Variants in ADGRV1 observed in about 807,000 individuals in gnomAD.
ADGRV1 encodes adhesion G protein-coupled receptor V1.
Under a neutral mutation model 596.2 loss-of-function variants are expected in ADGRV1, and 359 were observed. The ratio of observed to expected loss-of-function variants is 0.60; its 90% CI spans 0.55 to 0.66. ADGRV1 has a LOEUF of 0.66. Among genes scored for constraint, ADGRV1 ranks in the 30% least tolerant of loss-of-function variants. The pLI is 0.00. For missense variants in ADGRV1, 7,274 were observed against 7,575.6 expected (o/e 0.96, Z 1.48); for synonymous variants, 2,681 against 2,679.2 (o/e 1.00, Z -0.02).
intron 87 of ADGRV1, among the ~76,000 whole-genome samples, chr5:91,104,283 G>A (rs750174881): frequency 5.8e-4 from 88 of 152,300 alleles, no homozygotes; most frequent in South Asian, 5.4e-3. Context: ...AGTTGTTACA[G>A]AGATAAACAC....
At chr5:90,619,673 C>T (rs1046666986) in intron 4 of ADGRV1, among the ~76,000 whole-genome samples, 1 of 151,836 alleles carries the variant, frequency 6.6e-6, no homozygotes, top group Non-Finnish European at 1.5e-5. Flanking sequence ...CATATGTATA[C>T]ATATGCCATG....
intron 70 of ADGRV1, chr5:90,792,232 A>C (rs1167322776): frequency 6.6e-6 from 1 of 152,156 alleles, no homozygotes; most frequent in Non-Finnish European, 1.5e-5. Context: ...CTTTGGGAAC[A>C]CCCAAATCAA....
Position 90,658,014 on chromosome 5 carries a change from T to C in ADGRV1, c.4488T>C (p.Tyr1496=), listed in dbSNP as rs772002335. 1.2e-6 allele frequency: 2 copies of C among 1,613,994 alleles called. No homozygotes were observed. Among genetic ancestry groups the C allele is most frequent in the Non-Finnish European group, 8.5e-7 (1 of 1,179,872 alleles). ...GGAAACTGACGCTTGAAGAAATTTA[T>C]GAACTTCATGCCATGCCCGCAAAAA... ...YERKLTLEEI[Y]ELHAMPAKSD... Residue 1496 remains tyrosine, a synonymous_variant, in exon 21 of 90, where the codon TAT becomes TAC. Transcript: ENST00000405460.
intron 83 of ADGRV1, among the ~76,000 whole-genome samples, chr5:90,866,138 A>T (rs1004735827): frequency 6.6e-6 from 1 of 152,092 alleles, no homozygotes; most frequent in Non-Finnish European, 1.5e-5. Flanking sequence ...ACTAAGTAGA[A>T]CGGCTTTTGT....
intron 78 of ADGRV1, among the ~76,000 whole-genome samples, chr5:90,844,832 G>T (rs1319229352): frequency 6.6e-6 from 1 of 152,092 alleles, no homozygotes; most frequent in Non-Finnish European, 1.5e-5. Context: ...GGTTGATTCA[G>T]GTCTTCTACT....
intron 85 of ADGRV1, among the ~76,000 whole-genome samples, chr5:91,026,949 C>T (rs763590748): frequency 1.1e-4 from 17 of 151,924 alleles, no homozygotes; most frequent in Non-Finnish European, 1.8e-4. Context: ...CGAGACCAAC[C>T]GGGCTAACAT....
At chr5:90,646,211 T>C in intron 16 of ADGRV1, 120 bp downstream of exon 16, 1 of 469,436 alleles carries the variant, frequency 2.1e-6, no homozygotes, top group South Asian at 1.0e-4. Context: ...TATATACATA[T>C]ATATTTAGCA....
At chr5:90,795,264 G>A (rs1490332474) in intron 70 of ADGRV1, among the ~76,000 whole-genome samples, 9 of 152,082 alleles carry the variant, frequency 5.9e-5, no homozygotes, top group African/African-American at 2.4e-5. Flanking sequence ...AATTCTCGCT[G>A]CCAGCACAGC....
At chr5:90,592,099 C>G (rs976914781) in intron 1 of ADGRV1, among the ~76,000 whole-genome samples, 13 of 152,238 alleles carry the variant, frequency 8.5e-5, no homozygotes, top group Non-Finnish European at 1.0e-4. Context: ...TTTGATCCAG[C>G]AGTCCCACTC....
chr5:90,772,707 A>G (rs1757818769), intron 59 of ADGRV1, among the ~76,000 whole-genome samples: 1 of 152,214 alleles, frequency 6.6e-6, no homozygotes, highest in East Asian at 1.9e-4. Flanking sequence ...AGAATAGAGG[A>G]ACCAACTGTA....
intron 1 of ADGRV1, among the ~76,000 whole-genome samples, chr5:90,579,962 T>A (rs561419854): frequency 2.0e-5 from 3 of 152,296 alleles, no homozygotes; most frequent in Middle Eastern, 3.4e-3. Flanking sequence ...TCCATTTGCT[T>A]GGTAGATCTT....
chr5:90,687,383 G>T lies in ADGRV1; in HGVS notation c.6490+1388G>T, dbSNP rs528838311. Reference sequence around the variant, plus strand: ...GTCTTTAATCCATCTTGAATTAATTGTTGTATAAGGTGTAAGGAAGGGATC... The same window carrying T: ...GTCTTTAATCCATCTTGAATTAATTTTTGTATAAGGTGTAAGGAAGGGATC... On this transcript the variant is annotated intron_variant, in intron 29 of 89. Transcript: ENST00000405460. Among the ~76,000 whole-genome samples, 293 of 152,106 alleles carry T rather than the reference G, an allele frequency of 1.9e-3. 4 individuals carry two copies. The highest frequency in any genetic ancestry group is 6.6e-3 in the African/African-American group (272 of 41,464).
chr5:90,974,503 T>C (rs1055899144), intron 84 of ADGRV1, among the ~76,000 whole-genome samples: 2 of 152,032 alleles, frequency 1.3e-5, no homozygotes, highest in Admixed American at 1.3e-4. Context: ...AAAACAGAGA[T>C]ATAGACCAAT....
At chr5:90,653,139 T>C in intron 19 of ADGRV1, 70 bp from the exon 20 acceptor site, 1 of 1,377,402 alleles carries the variant, frequency 7.3e-7, no homozygotes, top group Non-Finnish European at 9.7e-7. Flanking sequence ...AAACAAATTC[T>C]TTTTTCTTCA....
Position 90,644,855 on chromosome 5 carries a change from T to C in ADGRV1, c.2884T>C (p.Ser962Pro). The C allele has an allele frequency of 1.9e-6, 3 of 1,602,176 alleles. No homozygotes were observed. Among genetic ancestry groups the C allele is most frequent in the Non-Finnish European group, 1.7e-6 (2 of 1,175,326 alleles). The part of the protein sequence containing the change: ...QEFSKNITIY[S>P]LPDEIPEEME... ...ATTTTCAAAAAATATCACCATTTAC[T>C]CCCTTCCAGATGAGGTAAATATTGC... Residue 962 changes from serine (S) to proline (P), a missense_variant, in exon 15 of 90, where the codon TCC becomes CCC. By Grantham distance (74) the Ser-to-Pro change is moderately conservative (BLOSUM62 -1). This residue lies in a region of ADGRV1 where 1,715 missense variants were observed against 1,708.8 expected (regional missense o/e 1.00). Transcript: ENST00000405460.
At chr5:91,056,634 C>T (rs765688508) in intron 85 of ADGRV1, among the ~76,000 whole-genome samples, 23 of 151,986 alleles carry the variant, frequency 1.5e-4, no homozygotes, top group Non-Finnish European at 2.5e-4. Context: ...TCTTTGGCAA[C>T]GTCTTGTGTT....
intron 85 of ADGRV1, among the ~76,000 whole-genome samples, chr5:91,071,973 C>T (rs550752655): frequency 9.9e-5 from 15 of 152,068 alleles, no homozygotes; most frequent in African/African-American, 3.1e-4. Context: ...CACTGCACCC[C>T]GCCTATAATC....
At chr5:90,976,653 G>A (rs1779641491) in intron 84 of ADGRV1, among the ~76,000 whole-genome samples, 1 of 151,940 alleles carries the variant, frequency 6.6e-6, no homozygotes, top group African/African-American at 2.4e-5. Context: ...TAAATAAATT[G>A]CAAGTAAATT....
At chr5:90,800,922 G>A (rs1213046230) in intron 70 of ADGRV1, among the ~76,000 whole-genome samples, 2 of 152,068 alleles carry the variant, frequency 1.3e-5, no homozygotes, top group African/African-American at 2.4e-5. Context: ...GGGGCCTGTC[G>A]GGGTGGGCAC....
Sources: gnomAD v4.1 joint callset for allele counts (sites outside exome capture counted in the v4.1 genomes callset) on GRCh38, gnomAD v4.1.1 for gene constraint, gnomAD v4.1.1 regional missense constraint, MANE v1.5 for transcripts, NCBI Gene and HGNC (gene_info 2026-07-23, HGNC 2026-07-21) for gene names.